Variants in ZEB1 observed in about 807,000 individuals in gnomAD.
The protein encoded by ZEB1 is zinc finger E-box binding homeobox 1, also known as zinc finger E-box-binding homeobox 1.
ZEB1 carries 21 observed loss-of-function variants against 84.9 expected under a neutral mutation model. The observed-to-expected ratio is 0.25, with a 90% CI of 0.18 to 0.36. The LOEUF (loss-of-function observed/expected upper bound fraction) is 0.36, where lower values mean the gene tolerates loss of function less well. Ranked by LOEUF, ZEB1 falls within the 10% of genes least tolerant of loss-of-function variation. The pLI, the probability that ZEB1 is intolerant of heterozygous loss-of-function variation, is 1.00. For synonymous variants in ZEB1, 420 were observed against 471.1 expected (o/e 0.89, Z 1.41); for missense variants, 1,104 against 1,330.2 (o/e 0.83, Z 2.65).
chr10:31,368,274 C>G (rs951195542), intron 1 of ZEB1, among the ~76,000 whole-genome samples: 2 of 152,104 alleles, frequency 1.3e-5, no homozygotes, highest in African/African-American at 4.8e-5. Flanking sequence ...CCCACTTCAG[C>G]CTCCCAAGTT....
intron 1 of ZEB1, among the ~76,000 whole-genome samples, chr10:31,338,898 A>G (rs1457153029): frequency 2.0e-5 from 3 of 152,152 alleles, no homozygotes; most frequent in Admixed American, 2.0e-4. Flanking sequence ...TGATGTATAA[A>G]TCATTTATGG....
chr10:31,363,813 A>G, intron 1 of ZEB1: 3 of 1,335,386 alleles, frequency 2.2e-6, no homozygotes, highest in Non-Finnish European at 3.1e-6. Flanking sequence ...GAGGGATAAG[A>G]CACAGCCTCA....
intron 1 of ZEB1, among the ~76,000 whole-genome samples, chr10:31,330,350 T>C (rs1321180097): frequency 6.6e-6 from 1 of 152,316 alleles, no homozygotes; most frequent in African/African-American, 2.4e-5. Flanking sequence ...AGTGAGTACA[T>C]TGTGCCTAGT....
intron 1 of ZEB1, among the ~76,000 whole-genome samples, chr10:31,443,437 G>C (rs1372688739): frequency 2.0e-5 from 3 of 148,908 alleles, no homozygotes; most frequent in Admixed American, 6.7e-5. Flanking sequence ...TATACTTTAA[G>C]TTTTAGGGTA....
chr10:31,368,753 T>G (rs906307666), intron 1 of ZEB1, among the ~76,000 whole-genome samples: 1 of 152,224 alleles, frequency 6.6e-6, no homozygotes, highest in African/African-American at 2.4e-5. Flanking sequence ...AAGAATATTT[T>G]GTTCCCTTTT....
chr10:31,441,941 C>G (rs2059049563), intron 1 of ZEB1, among the ~76,000 whole-genome samples: 1 of 152,184 alleles, frequency 6.6e-6, no homozygotes, highest in Non-Finnish European at 1.5e-5. Context: ...GAAATAGGAA[C>G]ACTTTTACAC....
chr10:31,428,775 C>T (rs1310667731), intron 1 of ZEB1, among the ~76,000 whole-genome samples: 1 of 152,152 alleles, frequency 6.6e-6, no homozygotes, highest in African/African-American at 2.4e-5. Context: ...ATAGTTTGAT[C>T]TTGTTGAATG....
At chr10:31,427,535 G>C (rs1413139248) in intron 1 of ZEB1, among the ~76,000 whole-genome samples, 2 of 152,102 alleles carry the variant, frequency 1.3e-5, no homozygotes, top group East Asian at 3.9e-4. Context: ...TGAGACATAG[G>C]GCTTGAACTG....
chr10:31,490,980 C>T (rs2066447775), intron 2 of ZEB1, among the ~76,000 whole-genome samples: 1 of 151,694 alleles, frequency 6.6e-6, no homozygotes, highest in African/African-American at 2.4e-5. Flanking sequence ...CTTCATGTAC[C>T]ACCCAGGGTC....
In ZEB1 at chr10:31,527,819, C is replaced by G. The variant is rs1258932230; in HGVS notation, c.*555C>G. 1 of 155,024 alleles carries G rather than the reference C, an allele frequency of 6.5e-6. No homozygotes were observed. The highest frequency in any genetic ancestry group is 2.4e-5 in the African/African-American group (1 of 41,456). 9.6% of individuals were successfully genotyped at this position (155,024 alleles called of 1,614,324 possible). On this transcript the variant is annotated 3_prime_UTR_variant, in exon 9 of 9. Coordinates refer to ENST00000424869, the MANE Select transcript of ZEB1 (RefSeq NM_001174096.2). ...ATAATGTAGTTCCAACCCGTGCTAACTACCTTTTATAAATTCAGTCTAGAA... is the reference window on the plus strand; with the variant it reads ...ATAATGTAGTTCCAACCCGTGCTAAGTACCTTTTATAAATTCAGTCTAGAA...
chr10:31,527,488 G>A lies in ZEB1; in HGVS notation c.*224G>A. 2 of 579,882 alleles carry A rather than the reference G, an allele frequency of 3.4e-6. No individual in the cohort carries two copies. The highest frequency in any genetic ancestry group is 5.8e-6 in the Non-Finnish European group (2 of 346,874). The allele number at this position is 579,882 out of a possible 1,614,324, so 35.9% of individuals were successfully genotyped here. ...CGGGTGTGCCTGAACCTCAGACCTA[G>A]TAATTTTTCATGCAGTTTTCAAAGT... On this transcript the variant is annotated 3_prime_UTR_variant, in exon 9 of 9. Coordinates refer to ENST00000424869, the MANE Select transcript of ZEB1 (RefSeq NM_001174096.2).
intron 1 of ZEB1, among the ~76,000 whole-genome samples, chr10:31,451,108 A>T (rs1260427424): frequency 6.6e-6 from 1 of 152,204 alleles, no homozygotes; most frequent in Non-Finnish European, 1.5e-5. Flanking sequence ...TCCTAAATTT[A>T]TTCTATGATG....
intron 1 of ZEB1, among the ~76,000 whole-genome samples, chr10:31,434,999 C>G (rs953682482): frequency 3.3e-5 from 5 of 152,050 alleles, no homozygotes; most frequent in South Asian, 2.1e-4. Context: ...TGTCCATGTC[C>G]TAATCCCTAA....
At chr10:31,475,259 T>G (rs1239108612) in intron 2 of ZEB1, among the ~76,000 whole-genome samples, 1 of 150,542 alleles carries the variant, frequency 6.6e-6, no homozygotes, top group African/African-American at 2.4e-5. Flanking sequence ...AAAAAATAAG[T>G]TTTGTAAATG....
intron 1 of ZEB1, chr10:31,387,188 G>A (rs1401234781): frequency 1.0e-6 from 1 of 985,696 alleles, no homozygotes; most frequent in Non-Finnish European, 1.2e-6. Context: ...AGAAAGATCT[G>A]CAGATCTTTT....
At chr10:31,453,570 A>T (rs2060846110) in intron 1 of ZEB1, among the ~76,000 whole-genome samples, 1 of 152,214 alleles carries the variant, frequency 6.6e-6, no homozygotes, top group African/African-American at 2.4e-5. Context: ...TAGTTGATAC[A>T]GTGCTGCATG....
At chr10:31,331,081 CTTTTTTTTTT>C (rs548615284) in intron 1 of ZEB1, among the ~76,000 whole-genome samples, 2,699 of 77,868 alleles carry the variant, frequency 0.035, 82 homozygotes, top group African/African-American at 0.14. Context: ...TTCTTTCTTT[CTTTTTTTTTT>C]TTTTTTTTTT....
chr10:31,355,623 G>C (rs1386510217), intron 1 of ZEB1, among the ~76,000 whole-genome samples: 1 of 152,152 alleles, frequency 6.6e-6, no homozygotes, highest in East Asian at 1.9e-4. Flanking sequence ...TTTGGGCTGA[G>C]ATTGGAAGAA....
intron 1 of ZEB1, among the ~76,000 whole-genome samples, chr10:31,340,741 G>A (rs2039196705): frequency 6.6e-6 from 1 of 152,162 alleles, no homozygotes; most frequent in South Asian, 2.1e-4. Flanking sequence ...GAAATGGAAA[G>A]AATGGCCAGA....
Sources: allele counts gnomAD v4.1 joint callset (sites outside exome capture counted in the v4.1 genomes callset), GRCh38; gene constraint gnomAD v4.1.1; transcripts MANE v1.5; gene names NCBI Gene and HGNC (gene_info 2026-07-23, HGNC 2026-07-21).